Variants in CPLX3 observed in about 807,000 individuals in gnomAD.
The protein encoded by CPLX3 is complexin 3.
CPLX3 carries 12 observed loss-of-function variants against 17.2 expected under a neutral mutation model. That is an observed-to-expected ratio of 0.70 (90% CI 0.45 to 1.13). The LOEUF is 1.13. Among genes scored for constraint, CPLX3 ranks in the 50% most tolerant of loss-of-function variants. CPLX3 has a pLI of 0.00. For synonymous variants in CPLX3, 75 were observed against 79.4 expected, an observed-to-expected ratio of 0.94 and a Z score of 0.29; for missense variants, 172 against 203.2, an observed-to-expected ratio of 0.85 and a Z score of 0.93.
At chr15:74,828,388 T>G (rs2063953460) in intron 2 of CPLX3, among the ~76,000 whole-genome samples, 1 of 152,108 alleles carries the variant, frequency 6.6e-6, no homozygotes, top group South Asian at 2.1e-4. Flanking sequence ...CTAGGCCTCT[T>G]CTCTCCTCCA....
chr15:74,826,829 G>A lies in CPLX3; in HGVS notation c.126G>A (p.Glu42=). 1 of 1,604,504 alleles carries A rather than the reference G, an allele frequency of 6.2e-7. No homozygotes were observed. The highest frequency in any genetic ancestry group is 1.1e-5 in the South Asian group (1 of 90,356). ...SAAEAQGMSR[E]EYEEYQKQLV... ...CCGAAGCTCAGGGCATGAGCCGGGA[G>A]GAGTACGAGGAGTATCAGAAGCAAC... Residue 42 remains glutamate, a synonymous_variant, in exon 1 of 3, where the codon GAG becomes GAA. Coordinates refer to ENST00000395018, the MANE Select transcript of CPLX3 (RefSeq NM_001030005.3). This position sits in a 1 kb window ranked among gnomAD's most constrained non-coding sequence, Gnocchi z 5.0.
chr15:74,830,037 G>A (rs1567227451), intron 2 of CPLX3, 93 bp from the exon 3 acceptor site: 4 of 897,168 alleles, frequency 4.5e-6, no homozygotes, highest in Non-Finnish European at 6.9e-6. Flanking sequence ...CTAGGGGCCT[G>A]GAACCCAGTC....
chr15:74,828,173 T>C (rs1202290672), intron 2 of CPLX3, 52 bp downstream of exon 2: 1 of 1,445,844 alleles, frequency 6.9e-7, no homozygotes, highest in African/African-American at 1.4e-5. Context: ...CTCTGGGTTC[T>C]GGACTCCTTC....
At chr15:74,829,830 G>C (rs1180438218) in intron 2 of CPLX3, among the ~76,000 whole-genome samples, 1 of 152,058 alleles carries the variant, frequency 6.6e-6, no homozygotes, top group Non-Finnish European at 1.5e-5. Flanking sequence ...CCTGGGATGT[G>C]GGGGTGGGAG....
chr15:74,830,130 A>T lies in CPLX3; in HGVS notation c.253A>T (p.Asn85Tyr). The change falls in exon 3 of 3, where the codon AAC becomes TAC. Residue 85 changes from asparagine to tyrosine, a missense_variant and splice_region_variant. Transcript: ENST00000395018. The stretch of plus-strand genomic sequence containing the variant: ...CCCCCTCTTCCCCTCTTCCCTTCAG[A>T]ACGAGACAGATGAGAGCCAGATCCA... ...HFRDKYRLPK[N>Y]ETDESQIQMA... 3.1e-6 allele frequency: 5 copies of T among 1,613,526 alleles called. No homozygotes were observed. The highest frequency in any genetic ancestry group is 4.2e-6 in the Non-Finnish European group (5 of 1,179,790).
rs770310639 is a variant in CPLX3 at position 74,830,387 on chromosome 15, C to T, written c.*33C>T. 1 of 1,561,930 alleles carries T rather than the reference C, an allele frequency of 6.4e-7. No individual in the cohort carries two copies. Among genetic ancestry groups the T allele is most frequent in the East Asian group, 2.3e-5 (1 of 43,560 alleles). ...CCCGGGGTTACCCACTGGGCTGGGC[C>T]CCCATGAGGGCTAAGAGTGTGTCAA... is the stretch of plus-strand genomic sequence containing the variant. On this transcript the variant is annotated 3_prime_UTR_variant, in exon 3 of 3. Coordinates refer to ENST00000395018, the MANE Select transcript of CPLX3 (RefSeq NM_001030005.3).
At position 74,826,935 on chromosome 15, in the gene CPLX3, C is replaced by T; in HGVS notation, c.164+68C>T. ...ACCCCCACAGCTGCTCAGTCCATCC[C>T]CGGGCCAGCCTCAGGTCCCAATCCC... On this transcript the variant is annotated intron_variant, in intron 1 of 2. Coordinates refer to ENST00000395018, the MANE Select transcript of CPLX3 (RefSeq NM_001030005.3). The surrounding 1 kb of genome is among the most constrained non-coding windows in gnomAD (Gnocchi z 5.0). 1.4e-6 allele frequency: 2 copies of T among 1,422,472 alleles called. No homozygotes were observed. Among genetic ancestry groups the T allele is most frequent in the Non-Finnish European group, 1.9e-6 (2 of 1,044,084 alleles). The allele number at this position is 1,422,472 out of a possible 1,614,324, so 88.1% of individuals were successfully genotyped here. A position where few individuals can be genotyped will look rare whatever the true frequency, so the allele number is the denominator to read the frequency against.
chr15:74,828,073 G>C lies in CPLX3; in HGVS notation c.204G>C (p.Glu68Asp). Residue 68 changes from glutamate to aspartate, a missense_variant, in exon 2 of 3, where the codon GAG (glutamate) becomes GAC (aspartate). By Grantham distance (45) the Glu-to-Asp change is conservative. Transcript: ENST00000395018. ...CACAGTTCACACAGAGGAAGGCAGA[G>C]CGGGCCACACTGCGGAGCCACTTCC... is the stretch of plus-strand genomic sequence containing the variant. ...RDAQFTQRKA[E>D]RATLRSHFRD... 2 of 1,607,818 alleles carry C rather than the reference G, an allele frequency of 1.2e-6. No individual in the cohort carries two copies. Among genetic ancestry groups the C allele is most frequent in the Non-Finnish European group, 1.7e-6 (2 of 1,177,194 alleles).
In CPLX3 at chr15:74,826,902, C is replaced by A; in HGVS notation, c.164+35C>A. ...ATCCCTTCCTGGCTCCAACGACCTC[C>A]CCTCCCCACCCCCACAGCTGCTCAG... On this transcript the variant is annotated intron_variant, in intron 1 of 2. Coordinates refer to ENST00000395018, the MANE Select transcript of CPLX3 (RefSeq NM_001030005.3). This position sits in a 1 kb window ranked among gnomAD's most constrained non-coding sequence, Gnocchi z 5.0. 1 of 1,570,264 alleles carries A rather than the reference C, an allele frequency of 6.4e-7. No homozygotes were observed. The highest frequency in any genetic ancestry group is 8.7e-7 in the Non-Finnish European group (1 of 1,154,202).
rs539680297 is a variant in CPLX3 at position 74,830,697 on chromosome 15, C to T, written c.*343C>T. The stretch of plus-strand genomic sequence containing the variant: ...CACACAGGACACAAAACCCCTGGCA[C>T]GTTCAGAGACAGAAGCCACAGATAC... On this transcript the variant is annotated 3_prime_UTR_variant, in exon 3 of 3. Coordinates refer to ENST00000395018, the MANE Select transcript of CPLX3 (RefSeq NM_001030005.3). 3.0e-4 allele frequency: 69 copies of T among 228,716 alleles called. 1 individual carries two copies. The South Asian group carries it at 4.7e-3, about 16-fold the overall frequency. The allele number at this position is 228,716 out of a possible 1,614,324, so 14.2% of individuals were successfully genotyped here. A position where few individuals can be genotyped will look rare whatever the true frequency, so the allele number is the denominator to read the frequency against.
At position 74,826,907 on chromosome 15, in the gene CPLX3, C is replaced by T; in HGVS notation, c.164+40C>T. On this transcript the variant is annotated intron_variant, in intron 1 of 2. Transcript: ENST00000395018. The surrounding 1 kb of genome is among the most constrained non-coding windows in gnomAD (Gnocchi z 5.0). The stretch of plus-strand genomic sequence containing the variant: ...TTCCTGGCTCCAACGACCTCCCCTC[C>T]CCACCCCCACAGCTGCTCAGTCCAT... The T allele has an allele frequency of 6.4e-7, 1 of 1,564,456 alleles. No individual in the cohort carries two copies. The highest frequency in any genetic ancestry group is 8.7e-7 in the Non-Finnish European group (1 of 1,149,936).
chr15:74,830,021 T>C (rs551877104), intron 2 of CPLX3, 109 bp from the exon 3 acceptor site: 195 of 670,938 alleles, frequency 2.9e-4, no homozygotes, highest in Non-Finnish European at 4.0e-4. Flanking sequence ...AAAGAAAAAA[T>C]AGAATCTAGG....
rs756073849 is a variant in CPLX3, at chr15:74,831,700, C to T, written c.*1346C>T. ...GCTTGTCCCCTGTAAAATGAACAGT[C>T]CCCCTCTCCCCCAAATAGTAATAAT... On this transcript the variant is annotated 3_prime_UTR_variant, in exon 3 of 3. Transcript: ENST00000395018. The T allele has an allele frequency of 6.6e-6, 1 of 152,236 alleles. No homozygotes were observed. The highest frequency in any genetic ancestry group is 1.5e-5 in the Non-Finnish European group (1 of 68,060). 9.4% of individuals were successfully genotyped at this position (152,236 alleles called of 1,614,324 possible).
Position 74,830,133 on chromosome 15 carries a change from G to C in CPLX3, c.256G>C (p.Glu86Gln). The C allele has an allele frequency of 6.2e-7, 1 of 1,613,338 alleles. No homozygotes were observed. Among genetic ancestry groups the C allele is most frequent in the Non-Finnish European group, 8.5e-7 (1 of 1,179,812 alleles). The change falls in exon 3 of 3, where the codon GAG becomes CAG. Residue 86 changes from glutamate (E) to glutamine (Q), a missense_variant. Physicochemically the swap from Glu to Gln is conservative, Grantham distance 29. Coordinates refer to ENST00000395018, the MANE Select transcript of CPLX3 (RefSeq NM_001030005.3). ...FRDKYRLPKN[E>Q]TDESQIQMAG... ...CCTCTTCCCCTCTTCCCTTCAGAAC[G>C]AGACAGATGAGAGCCAGATCCAGAT...
Position 74,826,712 on chromosome 15 carries a change from C to T in CPLX3, c.9C>T (p.Phe3=). Residue 3 remains phenylalanine (F), a synonymous_variant, in exon 1 of 3, where the codon TTC becomes TTT. Transcript: ENST00000395018. This position sits in a 1 kb window ranked among gnomAD's most constrained non-coding sequence, Gnocchi z 5.0. ...CCCGGCCGGCGAAGACCATGGCGTTCATGGTGAAGACCATGGTGGGCGGCC... is the reference window on the plus strand; with the variant it reads ...CCCGGCCGGCGAAGACCATGGCGTTTATGGTGAAGACCATGGTGGGCGGCC... MA[F]MVKTMVGGQL... is the part of the protein sequence containing the mutation. The T allele has an allele frequency of 6.2e-7, 1 of 1,609,186 alleles. No individual in the cohort carries two copies. Among genetic ancestry groups the T allele is most frequent in the Non-Finnish European group, 8.5e-7 (1 of 1,177,936 alleles).
At position 74,830,178 on chromosome 15, in the gene CPLX3, C is replaced by T. The variant is rs118068328; in HGVS notation, c.301C>T (p.Leu101=). 1 of 1,613,870 alleles carries T rather than the reference C, an allele frequency of 6.2e-7. No individual in the cohort carries two copies. Among genetic ancestry groups the T allele is most frequent in the Non-Finnish European group, 8.5e-7 (1 of 1,179,990 alleles). The stretch of plus-strand genomic sequence containing the variant: ...CCAGATGGCAGGTGGAGACGTGGAG[C>T]TGCCCCGGGAGCTGGCCAAGATGAT... ...QIQMAGGDVE[L]PRELAKMIEE... The change falls in exon 3 of 3, where the codon CTG becomes TTG. Residue 101 remains leucine (L), a synonymous_variant. Coordinates refer to ENST00000395018, the MANE Select transcript of CPLX3 (RefSeq NM_001030005.3).
chr15:74,827,192 C>A (rs137998808), intron 1 of CPLX3, among the ~76,000 whole-genome samples: 25 of 152,292 alleles, frequency 1.6e-4, no homozygotes, highest in African/African-American at 5.8e-4. Context: ...GTCCCAGCCG[C>A]CTATGTCTTC....
chr15:74,829,998 CAA>C (rs58349907), intron 2 of CPLX3, 130 bp from the exon 3 acceptor site: 8,213 of 507,576 alleles, frequency 0.016, no homozygotes, highest in South Asian at 0.02. Flanking sequence ...CTCGTCTCTA[CAA>C]AAAAAAAAAA....
chr15:74,827,175 C>T (rs963603142), intron 1 of CPLX3, among the ~76,000 whole-genome samples: 3 of 152,186 alleles, frequency 2.0e-5, no homozygotes, highest in African/African-American at 7.2e-5. Context: ...TCCCTTAATC[C>T]GATCTGGTCC....
Sources: allele counts gnomAD v4.1 joint callset (sites outside exome capture counted in the v4.1 genomes callset), GRCh38; gene constraint gnomAD v4.1.1; non-coding constraint Gnocchi (gnomAD v3.1); transcripts MANE v1.5; gene names NCBI Gene and HGNC (gene_info 2026-07-23, HGNC 2026-07-21).